Variants in PDE4D observed in about 807,000 individuals in gnomAD.
The protein encoded by PDE4D is 3',5'-cyclic-AMP phosphodiesterase 4D.
In PDE4D, 24 loss-of-function variants were observed where a neutral mutation model predicts 87.4. That is an observed-to-expected ratio of 0.27 (90% CI 0.20 to 0.39). The LOEUF (loss-of-function observed/expected upper bound fraction) is 0.39, where lower values mean the gene tolerates loss of function less well. Among genes scored for constraint, PDE4D ranks in the 10% least tolerant of loss-of-function variants. The pLI is 1.00. For missense variants in PDE4D, 714 were observed against 1,041.0 expected (o/e 0.69, Z 4.32); for synonymous variants, 384 against 383.2 (o/e 1.00, Z -0.02).
intron 1 of PDE4D, among the ~76,000 whole-genome samples, chr5:60,284,813 A>G (rs1001401829): frequency 3.3e-5 from 5 of 151,624 alleles, no homozygotes; most frequent in South Asian, 2.1e-4. Context: ...TGAATATATT[A>G]AAGTCAAGAA....
chr5:58,981,636 CTGGTCATA>C lies in PDE4D; in HGVS notation c.1553-4299_1553-4292del, dbSNP rs1207251812. Among the ~76,000 whole-genome samples the C allele has an allele frequency of 1.1e-4, 16 of 152,094 alleles. No individual in the cohort carries two copies. In the East Asian group the frequency reaches 3.1e-3, roughly 29 times the overall value. On this transcript the variant is annotated intron_variant, in intron 11 of 14. Transcript: ENST00000340635. ...ACAATTATAGTCCTTATTTCTATAA[CTGGTCATA>C]TGGTCATAGCTGGTATTTGTAATTA...
chr5:60,279,290 G>C (rs1026764081), intron 1 of PDE4D, among the ~76,000 whole-genome samples: 1 of 152,194 alleles, frequency 6.6e-6, no homozygotes, highest in Non-Finnish European at 1.5e-5. Flanking sequence ...GTCAGGAGAA[G>C]AAAGAGCACC....
chr5:60,441,998 T>C (rs1050967064), intron 1 of PDE4D, among the ~76,000 whole-genome samples: 8 of 152,132 alleles, frequency 5.3e-5, no homozygotes, highest in African/African-American at 1.9e-4. Context: ...GGTGGGAGTG[T>C]AAATTAGTTC....
At chr5:59,649,658 T>C (rs935047332) in intron 1 of PDE4D, among the ~76,000 whole-genome samples, 1 of 151,064 alleles carries the variant, frequency 6.6e-6, no homozygotes, top group Non-Finnish European at 1.5e-5. Context: ...AGTACCTTCA[T>C]GAGGTCCCAG....
chr5:59,964,290 A>G (rs1759773905), intron 3 of PDE4D, among the ~76,000 whole-genome samples: 1 of 152,230 alleles, frequency 6.6e-6, no homozygotes, highest in African/African-American at 2.4e-5. Flanking sequence ...AAATAAAATT[A>G]ACCAATATAT....
chr5:59,613,962 T>C (rs2150079301), intron 1 of PDE4D, among the ~76,000 whole-genome samples: 1 of 152,288 alleles, frequency 6.6e-6, no homozygotes, highest in African/African-American at 2.4e-5. Context: ...TTGGCTCAAT[T>C]TTTAAAAAAA....
chr5:60,151,969 T>G (rs1781549028), intron 2 of PDE4D, among the ~76,000 whole-genome samples: 1 of 152,198 alleles, frequency 6.6e-6, no homozygotes, highest in Non-Finnish European at 1.5e-5. Context: ...GTTGAATTTT[T>G]TCAAAAACTT....
intron 1 of PDE4D, among the ~76,000 whole-genome samples, chr5:59,315,424 C>T (rs1416952995): frequency 6.6e-6 from 1 of 152,126 alleles, no homozygotes; most frequent in Non-Finnish European, 1.5e-5. Context: ...GAGGACTGAC[C>T]TTCATCCACT....
chr5:58,971,496 A>C lies in PDE4D; in HGVS notation c.*3168T>G, dbSNP rs1742590733. On this transcript the variant is annotated 3_prime_UTR_variant, in exon 15 of 15. Transcript: ENST00000340635. The stretch of plus-strand genomic sequence containing the variant: ...ACATGGTTGTAAACAGACAAACAAG[A>C]CTGTATTACAGGTAAGGTCATTTGG... 1 of 152,618 alleles carries C rather than the reference A, an allele frequency of 6.6e-6. No homozygotes were observed. The highest frequency in any genetic ancestry group is 1.5e-5 in the Non-Finnish European group (1 of 68,036). The allele number at this position is 152,618 out of a possible 1,614,324, so 9.5% of individuals were successfully genotyped here.
chr5:59,083,104 T>G (rs549764020), intron 5 of PDE4D, among the ~76,000 whole-genome samples: 2 of 152,262 alleles, frequency 1.3e-5, no homozygotes, highest in Admixed American at 1.3e-4. Flanking sequence ...TAAATACATC[T>G]TTAGTTTGTC....
intron 3 of PDE4D, among the ~76,000 whole-genome samples, chr5:59,930,368 A>G (rs1195271843): frequency 6.6e-6 from 1 of 152,118 alleles, no homozygotes; most frequent in African/African-American, 2.4e-5. Flanking sequence ...AGAATCAGAG[A>G]GAGAAAAAGA....
chr5:59,546,313 A>G, intron 1 of PDE4D, among the ~76,000 whole-genome samples: 1 of 152,148 alleles, frequency 6.6e-6, no homozygotes, highest in Non-Finnish European at 1.5e-5. Flanking sequence ...CCACAAAGCC[A>G]AAAGTGCGTT....
intron 1 of PDE4D, among the ~76,000 whole-genome samples, chr5:59,529,472 A>G (rs989510546): frequency 1.3e-5 from 2 of 152,182 alleles, no homozygotes; most frequent in Non-Finnish European, 2.9e-5. Flanking sequence ...ATCAACACTG[A>G]CAAGGAGAAG....
At chr5:59,190,587 G>A (rs1470900579) in intron 3 of PDE4D, among the ~76,000 whole-genome samples, 1 of 152,088 alleles carries the variant, frequency 6.6e-6, no homozygotes, top group African/African-American at 2.4e-5. Flanking sequence ...CACTTCAAGT[G>A]ACATAAGTAT....
At position 59,848,132 on chromosome 5, in the gene PDE4D, T is replaced by A. The variant is rs1049692172; in HGVS notation, c.455+45036A>T. 3.9e-5 allele frequency among the ~76,000 whole-genome samples: 6 copies of A among 152,054 alleles called. No homozygotes were observed. In the South Asian group the frequency reaches 6.2e-4, roughly 16 times the overall value. On this transcript the variant is annotated intron_variant, in intron 1 of 14. Coordinates refer to ENST00000340635, the MANE Select transcript of PDE4D (RefSeq NM_001104631.2). ...GCTGGTTTTATCCCTAAAGCTATTT[T>A]TTTATTTTAAAAGCTTTAAAAAATA...
chr5:59,150,109 T>C (rs902732302), intron 5 of PDE4D, among the ~76,000 whole-genome samples: 1 of 152,018 alleles, frequency 6.6e-6, no homozygotes, highest in Admixed American at 6.6e-5. Flanking sequence ...TATAGTGTGG[T>C]GGTGGCAGCC....
chr5:60,052,394 C>G (rs754798606), intron 2 of PDE4D, among the ~76,000 whole-genome samples: 1 of 152,210 alleles, frequency 6.6e-6, no homozygotes, highest in African/African-American at 2.4e-5. Context: ...ATATGCAAAT[C>G]ATTAAACATA....
At chr5:60,065,603 A>T (rs182751283) in intron 2 of PDE4D, among the ~76,000 whole-genome samples, 2 of 151,978 alleles carry the variant, frequency 1.3e-5, no homozygotes, top group African/African-American at 4.8e-5. Context: ...CGACCCCACA[A>T]CAGTCCCCAG....
intron 1 of PDE4D, among the ~76,000 whole-genome samples, chr5:59,751,574 G>GGTGT (rs57407769): frequency 0.052 from 7,373 of 142,600 alleles, 256 homozygotes; most frequent in East Asian, 0.14. Context: ...ATAAATCCCT[G>GGTGT]GTGTGTGTGT....
Sources: gnomAD v4.1 joint callset for allele counts (sites outside exome capture counted in the v4.1 genomes callset) on GRCh38, gnomAD v4.1.1 for gene constraint, MANE v1.5 for transcripts, NCBI Gene and HGNC (gene_info 2026-07-23, HGNC 2026-07-21) for gene names.